The following RABGAP1L variants were observed in gnomAD, a reference collection of about 807,000 sequenced individuals.
The protein encoded by RABGAP1L is rab GTPase-activating protein 1-like.
RABGAP1L carries 63 observed loss-of-function variants against 137.7 expected under a neutral mutation model. The observed-to-expected ratio is 0.46, with a 90% CI of 0.37 to 0.56. The LOEUF (loss-of-function observed/expected upper bound fraction) is 0.56. Among genes scored for constraint, RABGAP1L ranks in the 20% least tolerant of loss-of-function variants. RABGAP1L has a pLI of 0.00. For synonymous variants in RABGAP1L, 431 were observed against 433.7 expected, an observed-to-expected ratio of 0.99 and a Z score of 0.08; for missense variants, 1,095 against 1,244.0, an observed-to-expected ratio of 0.88 and a Z score of 1.80.
intron 13 of RABGAP1L, among the ~76,000 whole-genome samples, chr1:174,440,790 C>G (rs1654038594): frequency 2.0e-5 from 3 of 152,062 alleles, no homozygotes; most frequent in Non-Finnish European, 4.4e-5. Context: ...CTCCTGACCT[C>G]AAGTTGATCT....
chr1:174,330,052 A>G (rs1161411153), intron 11 of RABGAP1L, among the ~76,000 whole-genome samples: 1 of 152,202 alleles, frequency 6.6e-6, no homozygotes. Flanking sequence ...TTCTAGCCAG[A>G]GCAGTTAAGC....
chr1:174,389,759 C>A (rs1345516719), intron 12 of RABGAP1L, among the ~76,000 whole-genome samples: 1 of 152,028 alleles, frequency 6.6e-6, no homozygotes, highest in Non-Finnish European at 1.5e-5. Context: ...TTTCTAGGTG[C>A]TTAAGATATA....
At position 174,595,962 on chromosome 1, in the gene RABGAP1L, C is replaced by G. The variant is rs539984982; in HGVS notation, c.1711-41413C>G. ...GGCGCCCCTCCCCCAGCCTCGTTGC[C>G]GCCTTGCAGTTTGATCTCAGACTGC... On this transcript the variant is annotated intron_variant, in intron 13 of 25. Coordinates refer to ENST00000681986, the MANE Select transcript of RABGAP1L (RefSeq NM_001366446.1). Among the ~76,000 whole-genome samples, 252 of 102,382 alleles carry G rather than the reference C, an allele frequency of 2.5e-3. 4 individuals are homozygous for G. The highest frequency in any genetic ancestry group is 0.012 in the African/African-American group (201 of 16,462). 67.2% of individuals were successfully genotyped at this position (102,382 alleles called of 152,430 possible).
intron 13 of RABGAP1L, among the ~76,000 whole-genome samples, chr1:174,504,504 C>T (rs907899281): frequency 2.7e-5 from 4 of 150,602 alleles, no homozygotes; most frequent in South Asian, 2.1e-4. Flanking sequence ...ATAACCAAAA[C>T]GGCATGGTAC....
chr1:174,191,599 A>G (rs1352305273), intron 1 of RABGAP1L, among the ~76,000 whole-genome samples: 2 of 152,198 alleles, frequency 1.3e-5, no homozygotes, highest in Non-Finnish European at 2.9e-5. Context: ...GGAGGGGATC[A>G]TATAGTAGCT....
chr1:174,985,044 A>G (rs77800537), intron 24 of RABGAP1L, among the ~76,000 whole-genome samples: 2,991 of 152,346 alleles, frequency 0.02, 49 homozygotes, highest in Middle Eastern at 0.078. Flanking sequence ...AGACTACCTA[A>G]TGAAAGGCCA....
intron 13 of RABGAP1L, among the ~76,000 whole-genome samples, chr1:174,429,644 C>T (rs916225188): frequency 6.6e-6 from 1 of 151,908 alleles, no homozygotes; most frequent in Non-Finnish European, 1.5e-5. Context: ...GAGGCTGAGG[C>T]AGGAGAATCG....
intron 13 of RABGAP1L, among the ~76,000 whole-genome samples, chr1:174,464,548 C>T (rs1265716724): frequency 6.6e-6 from 1 of 152,104 alleles, no homozygotes; most frequent in African/African-American, 2.4e-5. Flanking sequence ...TTACACTGCT[C>T]ATCTCTTTTT....
chr1:174,353,058 T>C (rs1683330752), intron 11 of RABGAP1L, among the ~76,000 whole-genome samples: 1 of 152,138 alleles, frequency 6.6e-6, no homozygotes, highest in African/African-American at 2.4e-5. Context: ...ATCTCATCCA[T>C]GGCCTGTGGC....
intron 19 of RABGAP1L, among the ~76,000 whole-genome samples, chr1:174,890,069 C>T (rs1044281372): frequency 3.3e-5 from 5 of 152,058 alleles, no homozygotes; most frequent in Non-Finnish European, 7.4e-5. Context: ...ATCAAACAAA[C>T]GAACAAAAAA....
intron 1 of RABGAP1L, among the ~76,000 whole-genome samples, chr1:174,179,272 A>G (rs1170237417): frequency 1.3e-5 from 2 of 152,172 alleles, no homozygotes; most frequent in Non-Finnish European, 2.9e-5. Flanking sequence ...ATTGAGAGAA[A>G]ATGTCTTCCA....
intron 13 of RABGAP1L, among the ~76,000 whole-genome samples, chr1:174,517,281 A>G (rs1662954582): frequency 6.6e-6 from 1 of 152,178 alleles, no homozygotes; most frequent in Non-Finnish European, 1.5e-5. Context: ...TATGTTTTGT[A>G]GGGAGAAATT....
At chr1:174,799,620 C>T (rs1688543042) in intron 18 of RABGAP1L, among the ~76,000 whole-genome samples, 1 of 152,040 alleles carries the variant, frequency 6.6e-6, no homozygotes, top group South Asian at 2.1e-4. Flanking sequence ...GAGGGGGAAG[C>T]GCATCTGTCC....
chr1:174,523,857 A>T (rs972228433), intron 13 of RABGAP1L, among the ~76,000 whole-genome samples: 4 of 152,148 alleles, frequency 2.6e-5, no homozygotes, highest in African/African-American at 9.7e-5. Flanking sequence ...CAAGTTTTGT[A>T]GCTTTCACAT....
chr1:174,346,187 A>G (rs7517516), intron 11 of RABGAP1L, among the ~76,000 whole-genome samples: 42,804 of 151,990 alleles, frequency 0.28, 6,587 homozygotes, highest in African/African-American at 0.39. Context: ...GTTCAACAGG[A>G]ATATTGGCCT....
intron 13 of RABGAP1L, among the ~76,000 whole-genome samples, chr1:174,481,755 C>G (rs1659105387): frequency 6.6e-6 from 1 of 151,770 alleles, no homozygotes. Context: ...TAATGGCACC[C>G]CAAAGATCCC....
At chr1:174,523,728 A>T (rs76290662) in intron 13 of RABGAP1L, among the ~76,000 whole-genome samples, 2,025 of 152,004 alleles carry the variant, frequency 0.013, 47 homozygotes, top group African/African-American at 0.045. Flanking sequence ...GTTAGAACTT[A>T]TTTCTTCTAT....
chr1:174,548,299 C>T (rs1345575387), intron 13 of RABGAP1L: 3 of 1,267,844 alleles, frequency 2.4e-6, no homozygotes, highest in African/African-American at 1.5e-5. Flanking sequence ...GTTGTTTACC[C>T]TCTTAATTTA....
At chr1:174,599,729 T>G (rs1670270717) in intron 13 of RABGAP1L, among the ~76,000 whole-genome samples, 1 of 152,186 alleles carries the variant, frequency 6.6e-6, no homozygotes, top group African/African-American at 2.4e-5. Flanking sequence ...ATTTGTTTCT[T>G]TTCTTTTGTT....
Sources: gnomAD v4.1 joint callset for allele counts (sites outside exome capture counted in the v4.1 genomes callset) on GRCh38, gnomAD v4.1.1 for gene constraint, MANE v1.5 for transcripts, NCBI Gene and HGNC (gene_info 2026-07-23, HGNC 2026-07-21) for gene names.